The following PRP4K variants were observed in gnomAD, a reference collection of about 807,000 sequenced individuals.
PRP4K encodes serine/threonine-protein kinase PRP4 homolog.
At chr6:4,022,872 G>T in the PRP4K span, among the ~76,000 whole-genome samples, 22 of 152,142 alleles carry the variant, frequency 1.4e-4, no homozygotes, top group African/African-American at 4.6e-4. Flanking sequence ...GAAAAGTTCT[G>T]TAATATTATG....
chr6:4,054,341 A>G, the PRP4K span, among the ~76,000 whole-genome samples: 1 of 152,010 alleles, frequency 6.6e-6, no homozygotes, highest in Admixed American at 6.6e-5. Flanking sequence ...CTTCCAGACA[A>G]CCACATTAGT....
the PRP4K span, among the ~76,000 whole-genome samples, chr6:4,048,086 A>G: frequency 6.6e-6 from 1 of 152,060 alleles, no homozygotes; most frequent in Admixed American, 6.5e-5. Context: ...GCAATAAAGA[A>G]TCATCAGAAG....
chr6:4,051,396 A>C, the PRP4K span, among the ~76,000 whole-genome samples: 3 of 146,484 alleles, frequency 2.0e-5, no homozygotes, highest in African/African-American at 7.6e-5. Flanking sequence ...TCAACTGCAA[A>C]CCCTCCGTCT....
At chr6:4,051,882 C>T in the PRP4K span, 14 of 963,670 alleles carry the variant, frequency 1.5e-5, no homozygotes, top group Non-Finnish European at 1.9e-5. Context: ...CATACTGGGG[C>T]TAGCAAATAC....
At chr6:4,026,651 C>T in the PRP4K span, among the ~76,000 whole-genome samples, 4 of 152,074 alleles carry the variant, frequency 2.6e-5, no homozygotes, top group Non-Finnish European at 5.9e-5. Context: ...TTACTGAGCA[C>T]CTGCTATAGA....
At chr6:4,022,834 G>A in the PRP4K span, among the ~76,000 whole-genome samples, 37 of 152,012 alleles carry the variant, frequency 2.4e-4, no homozygotes, top group African/African-American at 8.2e-4. Context: ...CAGATCTCAT[G>A]CTATGTGGTT....
chr6:4,054,581 A>G, the PRP4K span, among the ~76,000 whole-genome samples: 1 of 152,110 alleles, frequency 6.6e-6, no homozygotes, highest in Non-Finnish European at 1.5e-5. Flanking sequence ...ATCTCGGCTC[A>G]CTGCAACCTC....
chr6:4,057,048 G>A, the PRP4K span: 1 of 1,577,916 alleles, frequency 6.3e-7, no homozygotes, highest in Non-Finnish European at 8.6e-7. Flanking sequence ...ATAGGTAAAA[G>A]CTATGACTAT....
chr6:4,037,624 C>A, the PRP4K span: 2 of 1,524,546 alleles, frequency 1.3e-6, no homozygotes, highest in Non-Finnish European at 1.8e-6. Flanking sequence ...TTTGAACCAC[C>A]AGTGAGCTCA....
chr6:4,048,929 T>G, the PRP4K span: 1 of 776,810 alleles, frequency 1.3e-6, no homozygotes, highest in East Asian at 2.8e-5. Context: ...TTAAATTATA[T>G]CTGGTGTTAC....
At chr6:4,028,963 T>C in the PRP4K span, among the ~76,000 whole-genome samples, 8 of 151,426 alleles carry the variant, frequency 5.3e-5, no homozygotes, top group African/African-American at 1.9e-4. Flanking sequence ...TACCCACTCC[T>C]AGAACCATAT....
At chr6:4,030,989 A>AGTTTT in the PRP4K span, among the ~76,000 whole-genome samples, 1 of 152,188 alleles carries the variant, frequency 6.6e-6, no homozygotes, top group African/African-American at 2.4e-5. Context: ...TTGGCTCTAG[A>AGTTTT]GTTTTGTTTT....
At chr6:4,056,870 A>G in the PRP4K span, 3 of 1,065,530 alleles carry the variant, frequency 2.8e-6, no homozygotes, top group South Asian at 1.7e-5. Flanking sequence ...TTGAGTCTCT[A>G]TTAAGAATTA....
At chr6:4,036,902 C>T in the PRP4K span, among the ~76,000 whole-genome samples, 1 of 150,308 alleles carries the variant, frequency 6.7e-6, no homozygotes, top group African/African-American at 2.5e-5. Flanking sequence ...GGAAGGATTG[C>T]CTCAGCCTGG....
At chr6:4,029,010 A>ATTTTTTTTTTT in the PRP4K span, among the ~76,000 whole-genome samples, 1 of 110,146 alleles carries the variant, frequency 9.1e-6, no homozygotes, top group Non-Finnish European at 2.0e-5. Flanking sequence ...TCTACTTGGA[A>ATTTTTTTTTTT]TCTTTTTTTT....
chr6:4,032,880 A>T, the PRP4K span: 1 of 1,123,104 alleles, frequency 8.9e-7, no homozygotes, highest in Non-Finnish European at 1.2e-6. Flanking sequence ...AGTAGTAATG[A>T]GTTTCATAAT....
the PRP4K span, chr6:4,058,937 A>T: frequency 1.5e-6 from 1 of 680,504 alleles, no homozygotes; most frequent in Non-Finnish European, 2.4e-6. Flanking sequence ...TTTGCTGTCG[A>T]CCAATTCCTA....
the PRP4K span, chr6:4,061,537 C>A: frequency 0.084 from 12,752 of 152,594 alleles, 1,032 homozygotes; most frequent in African/African-American, 0.19. Context: ...GGCTAGACAA[C>A]GTAATGAAAT....
the PRP4K span, among the ~76,000 whole-genome samples, chr6:4,038,961 G>T: frequency 1.5e-5 from 2 of 131,112 alleles, no homozygotes; most frequent in African/African-American, 2.9e-5. Flanking sequence ...TTTTCCAATT[G>T]GACCTTCTAT....
Sources: gnomAD v4.1 joint callset for allele counts (sites outside exome capture counted in the v4.1 genomes callset) on GRCh38, gnomAD v4.1.1 for gene constraint, MANE v1.5 for transcripts, NCBI Gene and HGNC (gene_info 2026-07-23, HGNC 2026-07-21) for gene names.